The following EPHB3 variants were observed in gnomAD, a reference collection of about 807,000 sequenced individuals.
EPHB3 encodes the protein EPH receptor B3.
In EPHB3, 33 loss-of-function variants were observed where a neutral mutation model predicts 100.2. The observed-to-expected ratio is 0.33, with a 90% CI of 0.25 to 0.44. The LOEUF (loss-of-function observed/expected upper bound fraction) is 0.44. Ranked by LOEUF, EPHB3 falls within the 20% of genes least tolerant of loss-of-function variation. The pLI is 1.00. For synonymous variants in EPHB3, 526 were observed against 554.7 expected (o/e 0.95, Z 0.73); for missense variants, 1,045 against 1,378.3 (o/e 0.76, Z 3.83).
rs1192645074 is a variant in EPHB3, at chr3:184,562,187, G to GCGGCC, written c.-39_-35dup. On this transcript the variant is annotated 5_prime_UTR_variant, in exon 1 of 16. Coordinates refer to ENST00000330394, the MANE Select transcript of EPHB3 (RefSeq NM_004443.4). The surrounding 1 kb of genome is among the most constrained non-coding windows in gnomAD (Gnocchi z 4.8). ...CTCGGGTGCCTGCAGCCCCGCCGGC[G>GCGGCC]CGGCCCGGCCCGGCGCGGCCCGGCT... The GCGGCC allele has an allele frequency of 9.4e-5, 35 of 372,132 alleles. No individual in the cohort carries two copies. In the South Asian group the frequency reaches 2.7e-3, roughly 28 times the overall value. 23.1% of individuals were successfully genotyped at this position (372,132 alleles called of 1,614,324 possible). A position where few individuals can be genotyped will look rare whatever the true frequency, so the allele number is the denominator to read the frequency against.
Position 184,578,216 on chromosome 3 carries a change from C to T in EPHB3, c.1749-198C>T, listed in dbSNP as rs1052639744. On this transcript the variant is annotated intron_variant, in intron 8 of 15. Transcript: ENST00000330394. The surrounding 1 kb of genome is among the most constrained non-coding windows in gnomAD (Gnocchi z 4.7). ...CTCCATACCCCATTCCCTGAATCTC[C>T]GGGCAGGTTCCCTAGGGACTGAGTC... is the stretch of plus-strand genomic sequence containing the variant. The T allele has an allele frequency of 1.1e-5, 10 of 883,954 alleles. No homozygotes were observed. The highest frequency in any genetic ancestry group is 8.4e-5 in the African/African-American group (5 of 59,384). 54.8% of individuals were successfully genotyped at this position (883,954 alleles called of 1,614,324 possible).
At chr3:184,581,457 G>A in intron 15 of EPHB3, 49 bp downstream of exon 15, 1 of 1,590,508 alleles carries the variant, frequency 6.3e-7, no homozygotes, top group Non-Finnish European at 8.6e-7. Context: ...CCCTAGGCTG[G>A]GCCCAGAGTT....
In EPHB3 at chr3:184,562,691, G is replaced by A. The variant is rs895736001; in HGVS notation, c.118+338G>A. On this transcript the variant is annotated intron_variant, in intron 1 of 15. Transcript: ENST00000330394. This position sits in a 1 kb window ranked among gnomAD's most constrained non-coding sequence, Gnocchi z 4.8. Reference sequence around the variant, plus strand: ...GCTCCCGGCACCCCCCGAAGTCGAGGACGTGTGGGCGACCCCCCAGGCAAG... The same window carrying A: ...GCTCCCGGCACCCCCCGAAGTCGAGAACGTGTGGGCGACCCCCCAGGCAAG... Among the ~76,000 whole-genome samples the A allele has an allele frequency of 2.0e-5, 3 of 152,004 alleles. No individual in the cohort carries two copies. Among genetic ancestry groups the A allele is most frequent in the Non-Finnish European group, 4.4e-5 (3 of 67,958 alleles).
chr3:184,580,832 T>G lies in EPHB3; in HGVS notation c.2492T>G (p.Val831Gly), dbSNP rs1457942350. 6.2e-7 allele frequency: 1 copy of G among 1,614,086 alleles called. No homozygotes were observed. ...AGCTACGGAATTGTCATGTGGGAGGTCATGAGCTATGGAGAGCGACCCTAC... is the reference window on the plus strand; with the variant it reads ...AGCTACGGAATTGTCATGTGGGAGGGCATGAGCTATGGAGAGCGACCCTAC... ...VWSYGIVMWE[V>G]MSYGERPYWD... Residue 831 changes from valine (V) to glycine (G), a missense_variant, in exon 13 of 16, where the codon GTC (valine) becomes GGC (glycine). By Grantham distance (109) the Val-to-Gly change is moderately radical. This residue lies in a region of EPHB3 where 985 missense variants were observed against 1,331.1 expected (regional missense o/e 0.74). Transcript: ENST00000330394.
At chr3:184,574,529 G>A (rs774499482) in intron 3 of EPHB3, among the ~76,000 whole-genome samples, 1 of 152,196 alleles carries the variant, frequency 6.6e-6, no homozygotes, top group Non-Finnish European at 1.5e-5. Flanking sequence ...CCCTCTGCCC[G>A]ATTCTCTTCC....
Position 184,577,867 on chromosome 3 carries a change from C to T in EPHB3, c.1640-31C>T. 1 of 1,610,406 alleles carries T rather than the reference C, an allele frequency of 6.2e-7. No homozygotes were observed. The highest frequency in any genetic ancestry group is 8.5e-7 in the Non-Finnish European group (1 of 1,177,826). ...CCATCGCGGCCCTCACTCTCTGTCC[C>T]TCCACTCAGCAGCCCCTTCTCTATC... On this transcript the variant is annotated intron_variant, in intron 7 of 15. Coordinates refer to ENST00000330394, the MANE Select transcript of EPHB3 (RefSeq NM_004443.4). This position sits in a 1 kb window ranked among gnomAD's most constrained non-coding sequence, Gnocchi z 4.9.
Position 184,569,941 on chromosome 3 carries a change from C to A in EPHB3, c.119-1377C>A, listed in dbSNP as rs571285736. Among the ~76,000 whole-genome samples the A allele has an allele frequency of 6.6e-6, 1 of 152,392 alleles. No individual in the cohort carries two copies. Among genetic ancestry groups the A allele is most frequent in the South Asian group, 2.1e-4 (1 of 4,828 alleles). On this transcript the variant is annotated intron_variant, in intron 1 of 15. Transcript: ENST00000330394. The surrounding 1 kb of genome is among the most constrained non-coding windows in gnomAD (Gnocchi z 5.4). The stretch of plus-strand genomic sequence containing the variant: ...CCAGGCCACGGGAAAGGAGTTGGCA[C>A]CTCTTTCCTTCCTTTCCTGACCCAG...
chr3:184,578,328 G>T lies in EPHB3; in HGVS notation c.1749-86G>T. 6.3e-7 allele frequency: 1 copy of T among 1,586,386 alleles called. No homozygotes were observed. The highest frequency in any genetic ancestry group is 8.6e-7 in the Non-Finnish European group (1 of 1,159,016). On this transcript the variant is annotated intron_variant, in intron 8 of 15. Transcript: ENST00000330394. This position sits in a 1 kb window ranked among gnomAD's most constrained non-coding sequence, Gnocchi z 4.7. ...CCAGGCCATCCCCTGTATCCTCTCC[G>T]CCCCTTCTGTGAGCCCAAGGGTGCC...
chr3:184,578,337 G>A lies in EPHB3; in HGVS notation c.1749-77G>A. 1.2e-6 allele frequency: 2 copies of A among 1,603,590 alleles called. No individual in the cohort carries two copies. Among genetic ancestry groups the A allele is most frequent in the Non-Finnish European group, 8.5e-7 (1 of 1,172,702 alleles). On this transcript the variant is annotated intron_variant, in intron 8 of 15. Transcript: ENST00000330394. This position sits in a 1 kb window ranked among gnomAD's most constrained non-coding sequence, Gnocchi z 4.7. ...CCCCTGTATCCTCTCCGCCCCTTCT[G>A]TGAGCCCAAGGGTGCCCTGAACAAA...
rs1194521538 is a variant in EPHB3, at chr3:184,562,180, C to G, written c.-56C>G. 2 of 320,528 alleles carry G rather than the reference C, an allele frequency of 6.2e-6. No homozygotes were observed. The highest frequency in any genetic ancestry group is 2.3e-4 in the South Asian group (2 of 8,752). 19.9% of individuals were successfully genotyped at this position (320,528 alleles called of 1,614,324 possible). ...ACCCTCTCTCGGGTGCCTGCAGCCCCGCCGGCGCGGCCCGGCCCGGCGCGG... is the reference window on the plus strand; with the variant it reads ...ACCCTCTCTCGGGTGCCTGCAGCCCGGCCGGCGCGGCCCGGCCCGGCGCGG... On this transcript the variant is annotated 5_prime_UTR_variant, in exon 1 of 16. Coordinates refer to ENST00000330394, the MANE Select transcript of EPHB3 (RefSeq NM_004443.4). The surrounding 1 kb of genome is among the most constrained non-coding windows in gnomAD (Gnocchi z 4.8).
In EPHB3 at chr3:184,563,868, A is replaced by G. The variant is rs4132006; in HGVS notation, c.118+1515A>G. 0.53 allele frequency among the ~76,000 whole-genome samples: 80,087 copies of G among 152,130 alleles called. 21,744 individuals are homozygous for G. The highest frequency in any genetic ancestry group is 0.62 in the African/African-American group (25,622 of 41,516). On this transcript the variant is annotated intron_variant, in intron 1 of 15. Coordinates refer to ENST00000330394, the MANE Select transcript of EPHB3 (RefSeq NM_004443.4). The surrounding 1 kb of genome is among the most constrained non-coding windows in gnomAD (Gnocchi z 4.1). ...CACACACTCATACACTTACGGGGCT[A>G]TGTGTCACCTGTGTGTGTCGGGCCA...
rs1714315793 is a variant in EPHB3, at chr3:184,563,714, A to ACAT, written c.118+1361_118+1362insCAT. On this transcript the variant is annotated intron_variant, in intron 1 of 15. Coordinates refer to ENST00000330394, the MANE Select transcript of EPHB3 (RefSeq NM_004443.4). The surrounding 1 kb of genome is among the most constrained non-coding windows in gnomAD (Gnocchi z 4.1). ...ACCCACATGTGTGTGATAGGATCGC[A>ACAT]GGCGTGAGAACCCAGTGTGGGGCTT... 6.6e-6 allele frequency among the ~76,000 whole-genome samples: 1 copy of ACAT among 152,192 alleles called. No individual in the cohort carries two copies. Among genetic ancestry groups the ACAT allele is most frequent in the Non-Finnish European group, 1.5e-5 (1 of 68,024 alleles).
chr3:184,564,968 T>G (rs1056068181), intron 1 of EPHB3, among the ~76,000 whole-genome samples: 2 of 152,108 alleles, frequency 1.3e-5, no homozygotes. Context: ...TTGTGGCTCT[T>G]TGTGTCTGGG....
intron 1 of EPHB3, among the ~76,000 whole-genome samples, chr3:184,566,013 G>A (rs1264246814): frequency 3.9e-5 from 6 of 152,270 alleles, no homozygotes; most frequent in East Asian, 3.9e-4. Context: ...CTGGTTTGTC[G>A]GGATTGGGCA....
At position 184,579,401 on chromosome 3, in the gene EPHB3, C is replaced by G; in HGVS notation, c.1802-76C>G. On this transcript the variant is annotated intron_variant, in intron 9 of 15. Coordinates refer to ENST00000330394, the MANE Select transcript of EPHB3 (RefSeq NM_004443.4). This position sits in a 1 kb window ranked among gnomAD's most constrained non-coding sequence, Gnocchi z 5.2. Reference sequence around the variant, plus strand: ...ATATGGGGCTGGGCTCAGCAGGGAGCCTGCTGGAGCTGTGCCCATCGCAGG... The same window carrying G: ...ATATGGGGCTGGGCTCAGCAGGGAGGCTGCTGGAGCTGTGCCCATCGCAGG... 9 of 1,575,166 alleles carry G rather than the reference C, an allele frequency of 5.7e-6. No individual in the cohort carries two copies. The South Asian group carries it at 9.3e-5, about 16-fold the overall frequency.
intron 1 of EPHB3, among the ~76,000 whole-genome samples, chr3:184,570,656 C>T (rs1302057202): frequency 2.0e-5 from 3 of 152,334 alleles, no homozygotes; most frequent in Admixed American, 2.0e-4. Context: ...TCAGGGGAGG[C>T]CAGGGCCAGG....
chr3:184,576,687 C>T (rs549588186), intron 4 of EPHB3, among the ~76,000 whole-genome samples, 155 bp from the exon 5 acceptor site: 1 of 152,312 alleles, frequency 6.6e-6, no homozygotes, highest in South Asian at 2.1e-4. Context: ...AAATAGGAGT[C>T]TGCCTGGTGA....
intron 1 of EPHB3, among the ~76,000 whole-genome samples, chr3:184,566,486 A>G (rs1714388253): frequency 6.6e-6 from 1 of 152,156 alleles, no homozygotes; most frequent in Admixed American, 6.5e-5. Context: ...GCTCCCCACA[A>G]CATGCATCTT....
rs879441550 is a variant in EPHB3 at position 184,563,079 on chromosome 3, T to C, written c.118+726T>C. On this transcript the variant is annotated intron_variant, in intron 1 of 15. Coordinates refer to ENST00000330394, the MANE Select transcript of EPHB3 (RefSeq NM_004443.4). This position sits in a 1 kb window ranked among gnomAD's most constrained non-coding sequence, Gnocchi z 4.1. ...GGTGGGAAAAGGCCAGGCTTCTCAA[T>C]AGGTTCTGTGAAACCTGCCAAGACT... 6.6e-6 allele frequency among the ~76,000 whole-genome samples: 1 copy of C among 152,300 alleles called. No individual in the cohort carries two copies. Among genetic ancestry groups the C allele is most frequent in the East Asian group, 1.9e-4 (1 of 5,186 alleles).
Sources: allele counts gnomAD v4.1 joint callset (sites outside exome capture counted in the v4.1 genomes callset), GRCh38; gene constraint gnomAD v4.1.1; regional missense constraint gnomAD v4.1.1; non-coding constraint Gnocchi (gnomAD v3.1); transcripts MANE v1.5; gene names NCBI Gene and HGNC (gene_info 2026-07-23, HGNC 2026-07-21).